OR6C2: variants seen among roughly 807,000 people sequenced by gnomAD.
The protein encoded by OR6C2 is olfactory receptor family 6 subfamily C member 2.
For missense variants in OR6C2, 435 were observed against 365.8 expected (o/e 1.19, Z -1.54); for synonymous variants, 146 against 134.2 (o/e 1.09, Z -0.61).
chr12:55,447,315 G>A (rs1158969351), intron 1 of OR6C2, among the ~76,000 whole-genome samples: 1 of 129,712 alleles, frequency 7.7e-6, no homozygotes, highest in African/African-American at 2.8e-5. Context: ...ATTCTTTTTA[G>A]TTTTTGGGTT....
In OR6C2 at chr12:55,452,170, C is replaced by T. The variant is rs893883852; in HGVS notation, c.-44C>T. On this transcript the variant is annotated 5_prime_UTR_variant, in exon 2 of 2. Transcript: ENST00000641202. ...ATTCAAATATCTACCCCCTCATAAA[C>T]CGTGATTTTTAAAGGAGGATTGGGT... is the stretch of plus-strand genomic sequence containing the variant. The T allele has an allele frequency of 3.1e-6, 4 of 1,295,784 alleles. No individual in the cohort carries two copies. In the African/African-American group the frequency reaches 5.9e-5, roughly 19 times the overall value. 80.3% of individuals were successfully genotyped at this position (1,295,784 alleles called of 1,614,324 possible).
Position 55,451,452 on chromosome 12 carries a change from C to T in OR6C2, c.-762C>T, listed in dbSNP as rs1258218995. 6.6e-6 allele frequency: 1 copy of T among 151,996 alleles called. No individual in the cohort carries two copies. Among genetic ancestry groups the T allele is most frequent in the African/African-American group, 2.4e-5 (1 of 41,390 alleles). The allele number at this position is 151,996 out of a possible 1,614,324, so 9.4% of individuals were successfully genotyped here. ...ACCTAAAGATATATTGAAAAAGACG[C>T]AGCCTAGAAGACTATATTTAGTGGT... On this transcript the variant is annotated 5_prime_UTR_variant, in exon 2 of 2. An upstream open reading frame in the 5' UTR gains an earlier in-frame stop. Coordinates refer to ENST00000641202, the MANE Select transcript of OR6C2 (RefSeq NM_054105.2).
intron 1 of OR6C2, among the ~76,000 whole-genome samples, chr12:55,450,992 G>A (rs1871457683): frequency 6.6e-6 from 1 of 151,896 alleles, no homozygotes; most frequent in Non-Finnish European, 1.5e-5. Flanking sequence ...AATTGAGTAG[G>A]GGTGAGATGA....
At chr12:55,447,743 A>G (rs982835629) in intron 1 of OR6C2, among the ~76,000 whole-genome samples, 2 of 152,048 alleles carry the variant, frequency 1.3e-5, no homozygotes, top group African/African-American at 4.8e-5. Context: ...TCATCTGTTG[A>G]TGGACATTTG....
At chr12:55,448,576 A>G (rs142376481) in intron 1 of OR6C2, among the ~76,000 whole-genome samples, 1 of 142,022 alleles carries the variant, frequency 7.0e-6, no homozygotes, top group Non-Finnish European at 1.5e-5. Context: ...AAAAAAAAAG[A>G]CCTAAAACTA....
In OR6C2 at chr12:55,453,157, T is replaced by C. The variant is rs1282436380; in HGVS notation, c.*5T>C. On this transcript the variant is annotated 3_prime_UTR_variant, in exon 2 of 2. Coordinates refer to ENST00000641202, the MANE Select transcript of OR6C2 (RefSeq NM_054105.2). The stretch of plus-strand genomic sequence containing the variant: ...GCATTTCTCTCAAAGAAGTAGAAGC[T>C]GTGATGAATTGGCATAAAGTGAATG... 6.2e-7 allele frequency: 1 copy of C among 1,600,926 alleles called. No individual in the cohort carries two copies. The highest frequency in any genetic ancestry group is 1.1e-5 in the South Asian group (1 of 90,166).
Position 55,453,146 on chromosome 12 carries a change from G to A in OR6C2, c.933G>A (p.Lys311=), listed in dbSNP as rs142594604. The A allele has an allele frequency of 1.9e-6, 3 of 1,608,714 alleles. No homozygotes were observed. Among genetic ancestry groups the A allele is most frequent in the Non-Finnish European group, 2.5e-6 (3 of 1,176,816 alleles). Reference sequence around the variant, plus strand: ...TAAAGAGGATTGCATTTCTCTCAAAGAAGTAGAAGCTGTGATGAATTGGCA... The same window carrying A: ...TAAAGAGGATTGCATTTCTCTCAAAAAAGTAGAAGCTGTGATGAATTGGCA... ...DSIKRIAFLS[K]K The change falls in exon 2 of 2, where the codon AAG becomes AAA. Residue 311 remains lysine, a synonymous_variant. Coordinates refer to ENST00000641202, the MANE Select transcript of OR6C2 (RefSeq NM_054105.2).
rs1871525935 is a variant in OR6C2, at chr12:55,453,136, T to G, written c.923T>G (p.Phe308Cys). The G allele has an allele frequency of 6.2e-7, 1 of 1,610,936 alleles. No individual in the cohort carries two copies. Among genetic ancestry groups the G allele is most frequent in the African/African-American group, 1.3e-5 (1 of 74,722 alleles). The part of the protein sequence containing the change: ...AFSDSIKRIA[F>C]LSKK ...AGTGACTCTATAAAGAGGATTGCATTTCTCTCAAAGAAGTAGAAGCTGTGA... is the reference window on the plus strand; with the variant it reads ...AGTGACTCTATAAAGAGGATTGCATGTCTCTCAAAGAAGTAGAAGCTGTGA... The change falls in exon 2 of 2, where the codon TTT becomes TGT. Residue 308 changes from phenylalanine to cysteine, a missense_variant. Physicochemically the swap from Phe to Cys is radical, Grantham distance 205 (BLOSUM62 -2). Transcript: ENST00000641202.
chr12:55,448,896 G>A (rs572138906), intron 1 of OR6C2, among the ~76,000 whole-genome samples: 95 of 151,948 alleles, frequency 6.3e-4, no homozygotes, highest in Non-Finnish European at 1.1e-3. Context: ...ATTACAAGAA[G>A]TAGGTTTGTT....
Position 55,453,246 on chromosome 12 carries a change from T to G in OR6C2, c.*94T>G. 2 of 833,856 alleles carry G rather than the reference T, an allele frequency of 2.4e-6. No individual in the cohort carries two copies. The highest frequency in any genetic ancestry group is 3.8e-6 in the Non-Finnish European group (2 of 532,028). 51.7% of individuals were successfully genotyped at this position (833,856 alleles called of 1,614,324 possible). A position where few individuals can be genotyped will look rare whatever the true frequency, so the allele number is the denominator to read the frequency against. The stretch of plus-strand genomic sequence containing the variant: ...TATTTCATTGCTTCCTGACTACAGT[T>G]TAGTCATGTGAACCTTCTCAATGAC... On this transcript the variant is annotated 3_prime_UTR_variant, in exon 2 of 2. Coordinates refer to ENST00000641202, the MANE Select transcript of OR6C2 (RefSeq NM_054105.2).
At position 55,452,210 on chromosome 12, in the gene OR6C2, A is replaced by T. The variant is rs201769681; in HGVS notation, c.-4A>T. On this transcript the variant is annotated 5_prime_UTR_variant, in exon 2 of 2. Coordinates refer to ENST00000641202, the MANE Select transcript of OR6C2 (RefSeq NM_054105.2). ...GAGGATTGGGTAGATATCAAAGAAC[A>T]GTGATGAAAAACCACACAGTAATAA... 1.3e-3 allele frequency: 2,054 copies of T among 1,540,586 alleles called. 2 individuals carry two copies. Among genetic ancestry groups the T allele is most frequent in the Non-Finnish European group, 1.6e-3 (1,817 of 1,140,636 alleles).
chr12:55,452,715 GA>G lies in OR6C2; in HGVS notation c.503del (p.Asp168AlafsTer16), dbSNP rs756902202. 36 of 1,613,640 alleles carry G rather than the reference GA, an allele frequency of 2.2e-5. No individual in the cohort carries two copies. Among genetic ancestry groups the G allele is most frequent in the Non-Finnish European group, 3.0e-5 (35 of 1,179,826 alleles). On this transcript the variant is annotated frameshift_variant, in exon 2 of 2. Transcript: ENST00000641202. LOFTEE classifies it low-confidence loss of function (END_TRUNC). Reference sequence around the variant, plus strand: ...CTTAGGCCTCCAGCTCGAATTCTGTGACTCCAATGCCATTGATCATTTTAGC... The same window carrying G: ...CTTAGGCCTCCAGCTCGAATTCTGTGCTCCAATGCCATTGATCATTTTAGC... ...LSLGLQLEFC[D>X]SNAIDHFSCD... is the part of the protein sequence containing the mutation.
At chr12:55,444,767 G>A (rs1019668946) in intron 1 of OR6C2, among the ~76,000 whole-genome samples, 10 of 152,162 alleles carry the variant, frequency 6.6e-5, no homozygotes, top group Non-Finnish European at 2.9e-5. Context: ...TTACTTCATA[G>A]TTTATGCTGC....
chr12:55,444,749 A>G (rs1020066358), intron 1 of OR6C2, among the ~76,000 whole-genome samples: 3 of 152,206 alleles, frequency 2.0e-5, no homozygotes, highest in Admixed American at 6.5e-5. Flanking sequence ...AAGGATGTCA[A>G]TTCTCAGTTA....
chr12:55,452,469 G>A lies in OR6C2; in HGVS notation c.256G>A (p.Gly86Arg), dbSNP rs1262906617. 1.2e-6 allele frequency: 2 copies of A among 1,613,516 alleles called. No homozygotes were observed. Among genetic ancestry groups the A allele is most frequent in the African/African-American group, 2.7e-5 (2 of 74,854 alleles). Residue 86 changes from glycine (G) to arginine (R), a missense_variant, in exon 2 of 2, where the codon GGG becomes AGG. By Grantham distance (125) the Gly-to-Arg change is moderately radical. Transcript: ENST00000641202. ...CAGATTCTTGTACAATATATCAATG[G>A]GGGACAATACCATTACCTACAATGC... ...IPRFLYNISM[G>R]DNTITYNACA...
At chr12:55,445,824 A>C (rs1018016598) in intron 1 of OR6C2, among the ~76,000 whole-genome samples, 1 of 152,192 alleles carries the variant, frequency 6.6e-6, no homozygotes, top group Non-Finnish European at 1.5e-5. Flanking sequence ...GGCGGGCAAC[A>C]AACTTCCTTA....
chr12:55,452,616 A>T lies in OR6C2; in HGVS notation c.403A>T (p.Asn135Tyr). ...CKPLHYVVIM[N>Y]NRVCTLLVLC... ...ACCCCTTCATTATGTGGTCATCATGAACAACAGGGTGTGTACCTTATTAGT... is the reference window on the plus strand; with the variant it reads ...ACCCCTTCATTATGTGGTCATCATGTACAACAGGGTGTGTACCTTATTAGT... Residue 135 changes from asparagine (N) to tyrosine (Y), a missense_variant, in exon 2 of 2, where the codon AAC (asparagine) becomes TAC (tyrosine). Asn to Tyr is a moderately radical substitution (Grantham distance 143). Coordinates refer to ENST00000641202, the MANE Select transcript of OR6C2 (RefSeq NM_054105.2). The T allele has an allele frequency of 6.2e-7, 1 of 1,613,824 alleles. No individual in the cohort carries two copies.
intron 1 of OR6C2, 121 bp downstream of exon 1, chr12:55,444,280 G>A (rs897335233): frequency 3.3e-5 from 5 of 152,018 alleles, no homozygotes; most frequent in Admixed American, 1.3e-4. Flanking sequence ...AAACTGTAGC[G>A]AACATGTTTT....
rs1481728132 is a variant in OR6C2 at position 55,451,530 on chromosome 12, C to T, written c.-684C>T. 6.6e-6 allele frequency: 1 copy of T among 152,038 alleles called. No homozygotes were observed. The highest frequency in any genetic ancestry group is 2.4e-5 in the African/African-American group (1 of 41,408). 9.4% of individuals were successfully genotyped at this position (152,038 alleles called of 1,614,324 possible). A position where few individuals can be genotyped will look rare whatever the true frequency, so the allele number is the denominator to read the frequency against. On this transcript the variant is annotated 5_prime_UTR_variant, in exon 2 of 2. Coordinates refer to ENST00000641202, the MANE Select transcript of OR6C2 (RefSeq NM_054105.2). ...TGAAAGGAAAGGAATCACAACTGAA[C>T]ATCAAATGAAAGCCTATGAGAATAT... is the stretch of plus-strand genomic sequence containing the variant.
Sources: allele counts gnomAD v4.1 joint callset (sites outside exome capture counted in the v4.1 genomes callset), GRCh38; gene constraint gnomAD v4.1.1; transcripts MANE v1.5; gene names NCBI Gene and HGNC (gene_info 2026-07-23, HGNC 2026-07-21).